The following RBM19 variants were observed in gnomAD, a reference collection of about 807,000 sequenced individuals.
The protein encoded by RBM19 is RNA binding motif protein 19.
RBM19 carries 94 observed loss-of-function variants against 116.8 expected under a neutral mutation model. That is an observed-to-expected ratio of 0.80 (90% CI 0.68 to 0.95). The LOEUF is 0.95. RBM19 is among the 40% of genes least tolerant of loss of function. The pLI, the probability that RBM19 is intolerant of heterozygous loss-of-function variation, is 0.00. For missense variants in RBM19, 1,161 were observed against 1,220.7 expected, an observed-to-expected ratio of 0.95 and a Z score of 0.73; for synonymous variants, 475 against 494.1, an observed-to-expected ratio of 0.96 and a Z score of 0.51.
chr12:113,878,632 G>GACACACACACACAC (rs55868508), intron 21 of RBM19, among the ~76,000 whole-genome samples: 6 of 137,900 alleles, frequency 4.4e-5, no homozygotes, highest in East Asian at 2.2e-4. Flanking sequence ...CATTCTCCCT[G>GACACACACACACAC]ACACACACAC....
intron 16 of RBM19, among the ~76,000 whole-genome samples, chr12:113,932,265 G>A (rs1218758937): frequency 1.3e-5 from 2 of 152,220 alleles, no homozygotes; most frequent in South Asian, 2.1e-4. Context: ...CTTGCAGGAC[G>A]ATGATGAGAA....
At position 113,944,117 on chromosome 12, in the gene RBM19, T is replaced by TTG. The variant is rs374683065; in HGVS notation, c.1627-1684_1627-1683insCA. On this transcript the variant is annotated intron_variant, in intron 13 of 23. Transcript: ENST00000261741. ...TGTTTTTTTTTTTTTTTTTTTTTTT[T>TTG]GGGGCAGACTCTCGCTCTGTCACCT... 0.012 allele frequency among the ~76,000 whole-genome samples: 1,195 copies of TTG among 102,556 alleles called. 47 individuals are homozygous for TTG. The East Asian group carries it at 0.23, about 20-fold the overall frequency. 67.3% of individuals were successfully genotyped at this position (102,556 alleles called of 152,430 possible).
chr12:113,921,647 C>T (rs1868572758), intron 18 of RBM19, among the ~76,000 whole-genome samples: 1 of 152,154 alleles, frequency 6.6e-6, no homozygotes, highest in South Asian at 2.1e-4. Context: ...CCATACATGG[C>T]TCAGACAGAA....
intron 22 of RBM19, among the ~76,000 whole-genome samples, chr12:113,848,147 T>C (rs187549886): frequency 7.9e-5 from 12 of 152,380 alleles, no homozygotes; most frequent in Non-Finnish European, 1.8e-4. Flanking sequence ...CTGTTAAGTC[T>C]GACACTTAGA....
chr12:113,955,780 T>G lies in RBM19; in HGVS notation c.841-569A>C, dbSNP rs115950847. Among the ~76,000 whole-genome samples the G allele has an allele frequency of 4.6e-3, 704 of 152,282 alleles. 5 individuals are homozygous for G. Among genetic ancestry groups the G allele is most frequent in the African/African-American group, 0.016 (660 of 41,560 alleles). On this transcript the variant is annotated intron_variant, in intron 6 of 23. Transcript: ENST00000261741. ...AGTGGATGTGAGCCCATATATAGCTTATGCTGATTCACGCAGCGCAAGCAG... is the reference window on the plus strand; with the variant it reads ...AGTGGATGTGAGCCCATATATAGCTGATGCTGATTCACGCAGCGCAAGCAG...
intron 23 of RBM19, among the ~76,000 whole-genome samples, chr12:113,840,346 C>T (rs1360691057): frequency 6.6e-6 from 1 of 152,220 alleles, no homozygotes; most frequent in Non-Finnish European, 1.5e-5. Flanking sequence ...CTGTGCTTGG[C>T]CCTGATGCCT....
intron 21 of RBM19, among the ~76,000 whole-genome samples, chr12:113,859,683 C>T (rs1454763279): frequency 6.6e-6 from 1 of 152,170 alleles, no homozygotes; most frequent in Non-Finnish European, 1.5e-5. Flanking sequence ...TCTCAGGCCT[C>T]CCTTGCCTCC....
intron 16 of RBM19, among the ~76,000 whole-genome samples, chr12:113,930,707 G>A (rs1051838602): frequency 1.3e-5 from 2 of 152,216 alleles, no homozygotes; most frequent in African/African-American, 4.8e-5. Context: ...GGCTCTGGCT[G>A]ACCCCGGAGA....
Position 113,924,889 on chromosome 12 carries a change from G to A in RBM19, c.2245-132C>T, listed in dbSNP as rs1434024518. ...TCCCAAAAACATTTTGAGGTGATGA[G>A]TGATGACCTCCTTTAAGTAACCTGG... On this transcript the variant is annotated intron_variant, in intron 17 of 23. Coordinates refer to ENST00000261741, the MANE Select transcript of RBM19 (RefSeq NM_016196.4). 1.1e-5 allele frequency: 8 copies of A among 740,534 alleles called. No homozygotes were observed. In the Admixed American group the frequency reaches 1.6e-4, roughly 15 times the overall value. 45.9% of individuals were successfully genotyped at this position (740,534 alleles called of 1,614,324 possible).
intron 21 of RBM19, among the ~76,000 whole-genome samples, chr12:113,892,996 G>A (rs1333017103): frequency 6.6e-6 from 1 of 150,880 alleles, no homozygotes; most frequent in East Asian, 1.9e-4. Context: ...GTCTATGCGG[G>A]TCTACTCAAT....
At chr12:113,924,911 C>T (rs1206062803) in intron 17 of RBM19, among the ~76,000 whole-genome samples, 154 bp from the exon 18 acceptor site, 1 of 152,138 alleles carries the variant, frequency 6.6e-6, no homozygotes, top group Admixed American at 6.5e-5. Flanking sequence ...TTTAAGTAAC[C>T]TGGGCAGTCC....
intron 8 of RBM19, among the ~76,000 whole-genome samples, chr12:113,950,437 A>AC (rs1871372324): frequency 6.6e-6 from 1 of 151,986 alleles, no homozygotes; most frequent in African/African-American, 2.4e-5. Context: ...TCCAAGCCTC[A>AC]CCCCCATCCC....
chr12:113,937,982 T>C (rs896516161), intron 15 of RBM19, among the ~76,000 whole-genome samples: 6 of 152,156 alleles, frequency 3.9e-5, no homozygotes, highest in African/African-American at 1.2e-4. Context: ...GTGAAACAGA[T>C]TGGTGTGCAG....
chr12:113,916,158 C>T (rs560348405), intron 20 of RBM19, among the ~76,000 whole-genome samples: 1 of 152,162 alleles, frequency 6.6e-6, no homozygotes, highest in African/African-American at 2.4e-5. Flanking sequence ...CACCTGTAAT[C>T]CCAACACTTT....
chr12:113,846,847 G>T (rs763395323), intron 22 of RBM19, among the ~76,000 whole-genome samples: 2 of 152,066 alleles, frequency 1.3e-5, no homozygotes, highest in Non-Finnish European at 2.9e-5. Flanking sequence ...CGAGTAACTG[G>T]GACCACAGGC....
chr12:113,920,021 C>T (rs1003491762), intron 19 of RBM19, among the ~76,000 whole-genome samples: 3 of 152,312 alleles, frequency 2.0e-5, no homozygotes, highest in Non-Finnish European at 2.9e-5. Flanking sequence ...CGCCACCCCA[C>T]GCCGCCCCTG....
chr12:113,928,696 G>C (rs541903145), intron 16 of RBM19, among the ~76,000 whole-genome samples: 1 of 148,920 alleles, frequency 6.7e-6, no homozygotes, highest in African/African-American at 2.5e-5. Context: ...AGGGAGACTA[G>C]ACCTGCTAGC....
intron 14 of RBM19, among the ~76,000 whole-genome samples, chr12:113,940,687 A>G (rs894764092): frequency 6.6e-6 from 1 of 152,214 alleles, no homozygotes; most frequent in Non-Finnish European, 1.5e-5. Context: ...AGCGTACTGC[A>G]GCAGCACACT....
chr12:113,917,883 T>C (rs1445571287), intron 20 of RBM19, among the ~76,000 whole-genome samples: 1 of 152,236 alleles, frequency 6.6e-6, no homozygotes, highest in Admixed American at 6.5e-5. Context: ...TTCAGTATAC[T>C]GGTCATTGGG....
Sources: gnomAD v4.1 joint callset for allele counts (sites outside exome capture counted in the v4.1 genomes callset) on GRCh38, gnomAD v4.1.1 for gene constraint, MANE v1.5 for transcripts, NCBI Gene and HGNC (gene_info 2026-07-23, HGNC 2026-07-21) for gene names.